Variants in ADRA1B observed in about 807,000 individuals in gnomAD.
ADRA1B encodes adrenoceptor alpha 1B.
Under a neutral mutation model 17.9 loss-of-function variants are expected in ADRA1B, and 17 were observed. The observed-to-expected ratio is 0.95, with a 90% CI of 0.65 to 1.42. The LOEUF is 1.42. Among genes scored for constraint, ADRA1B ranks in the 40% most tolerant of loss-of-function variants. ADRA1B has a pLI of 0.00. For missense variants in ADRA1B, 681 were observed against 722.1 expected, an observed-to-expected ratio of 0.94 and a Z score of 0.65; for synonymous variants, 366 against 327.6, an observed-to-expected ratio of 1.12 and a Z score of -1.27.
At chr5:159,872,172 A>G (rs1287972364) in intron 1 of ADRA1B, among the ~76,000 whole-genome samples, 1 of 152,204 alleles carries the variant, frequency 6.6e-6, no homozygotes, top group Non-Finnish European at 1.5e-5. Context: ...TAAAATAATA[A>G]AATAATTAAG....
intron 1 of ADRA1B, among the ~76,000 whole-genome samples, chr5:159,866,081 A>G (rs528934622): frequency 6.6e-6 from 1 of 152,304 alleles, no homozygotes; most frequent in Admixed American, 6.5e-5. Context: ...AGAGTTCTAA[A>G]GATACGGACA....
At chr5:159,983,602 G>C in the ADRA1B span, among the ~76,000 whole-genome samples, 2 of 152,292 alleles carry the variant, frequency 1.3e-5, no homozygotes, top group African/African-American at 2.4e-5. Context: ...AAGGGTGCCA[G>C]CCGAACCGAA....
chr5:159,903,350 A>G lies in ADRA1B; in HGVS notation c.-255-12769A>G, dbSNP rs575868582. Among the ~76,000 whole-genome samples the G allele has an allele frequency of 4.6e-5, 7 of 152,338 alleles. No homozygotes were observed. The East Asian group carries it at 7.7e-4, about 17-fold the overall frequency. On this transcript the variant is annotated intron_variant, in intron 1 of 2. Transcript: ENST00000641205. ...TCCCTCTTCCTTCCACTCTCTGTCC[A>G]TGTGAAGCCTAAATGACGCAATATA... is the stretch of plus-strand genomic sequence containing the variant.
chr5:159,917,679 G>A lies in ADRA1B; in HGVS notation c.774G>A (p.Lys258=), dbSNP rs1323092197. The stretch of plus-strand genomic sequence containing the variant: ...AGCTGACCCTGAGGATCCATTCCAA[G>A]AACTTTCACGAGGACACCCTTAGCA... ...SKELTLRIHS[K]NFHEDTLSST... Residue 258 remains lysine, a synonymous_variant, in exon 1 of 2, where the codon AAG becomes AAA. Coordinates refer to ENST00000306675, the MANE Select transcript of ADRA1B (RefSeq NM_000679.4). 3 of 1,614,014 alleles carry A rather than the reference G, an allele frequency of 1.9e-6. No individual in the cohort carries two copies. The highest frequency in any genetic ancestry group is 2.2e-5 in the East Asian group (1 of 44,862).
the ADRA1B span, among the ~76,000 whole-genome samples, chr5:159,982,121 CG>C: frequency 6.6e-6 from 1 of 152,180 alleles, no homozygotes; most frequent in African/African-American, 2.4e-5. Flanking sequence ...GCTAAGGTCC[CG>C]GCCAACAGTC....
intron 1 of ADRA1B, chr5:159,868,307 ATAAGTTT>A (rs1753689089): frequency 6.6e-6 from 1 of 152,232 alleles, no homozygotes; most frequent in Non-Finnish European, 1.5e-5. Context: ...GCAGACTTTG[ATAAGTTT>A]TATAGGAGAG....
chr5:159,926,418 C>A (rs1013020942), intron 1 of ADRA1B, among the ~76,000 whole-genome samples: 1 of 152,164 alleles, frequency 6.6e-6, no homozygotes, highest in Admixed American at 6.5e-5. Flanking sequence ...CAAACCTTTG[C>A]AGGGTCCAAG....
chr5:159,952,935 T>G (rs1202554462), intron 1 of ADRA1B, among the ~76,000 whole-genome samples: 1 of 152,202 alleles, frequency 6.6e-6, no homozygotes, highest in African/African-American at 2.4e-5. Context: ...CCTTCTTACA[T>G]TATAGGCTTT....
chr5:159,923,761 T>C (rs1754560067), intron 1 of ADRA1B, among the ~76,000 whole-genome samples: 1 of 152,258 alleles, frequency 6.6e-6, no homozygotes, highest in Admixed American at 6.5e-5. Context: ...GAATAGATCC[T>C]TGGACCCCAT....
chr5:159,902,593 C>T (rs1320862164), intron 1 of ADRA1B, among the ~76,000 whole-genome samples: 2 of 152,196 alleles, frequency 1.3e-5, no homozygotes, highest in Non-Finnish European at 2.9e-5. Flanking sequence ...CTCTTCAAGG[C>T]CCCACCCTGG....
chr5:159,922,576 C>T (rs1754516306), intron 1 of ADRA1B, among the ~76,000 whole-genome samples: 2 of 152,168 alleles, frequency 1.3e-5, no homozygotes, highest in South Asian at 4.2e-4. Flanking sequence ...CAACCTATGA[C>T]ATATCAGGGC....
intron 1 of ADRA1B, among the ~76,000 whole-genome samples, chr5:159,899,310 G>GGAAGGAAGGAAGGAAGGAAA (rs1754075496): frequency 7.0e-6 from 1 of 142,646 alleles, no homozygotes; most frequent in African/African-American, 2.6e-5. Context: ...AAGGAAGGAA[G>GGAAGGAAGGAAGGAAGGAAA]GAAGGAAAGA....
intron 1 of ADRA1B, among the ~76,000 whole-genome samples, chr5:159,899,462 T>A (rs751468517): frequency 1.4e-4 from 22 of 152,298 alleles, no homozygotes; most frequent in Admixed American, 3.9e-4. Flanking sequence ...GACAGCCATG[T>A]GTACTGGAGA....
At chr5:159,891,679 T>A (rs1246411209) in intron 1 of ADRA1B, among the ~76,000 whole-genome samples, 1 of 152,114 alleles carries the variant, frequency 6.6e-6, no homozygotes, top group Non-Finnish European at 1.5e-5. Context: ...TGTTGAGAAT[T>A]TTCATAACAC....
intron 1 of ADRA1B, among the ~76,000 whole-genome samples, chr5:159,880,082 G>A (rs1561581130): frequency 1.3e-5 from 2 of 152,190 alleles, no homozygotes; most frequent in Non-Finnish European, 1.5e-5. Flanking sequence ...TTTCAGTGTG[G>A]CGATTGTTAG....
rs531188356 is a variant in ADRA1B at position 159,906,880 on chromosome 5, G to A, written c.-255-9239G>A. The stretch of plus-strand genomic sequence containing the variant: ...TTTTTCTTTTCCACTTAGTCCCTGG[G>A]ATTTAATTGAAAATACAAATTCCCT... On this transcript the variant is annotated intron_variant, in intron 1 of 2. Coordinates refer to the ADRA1B transcript ENST00000641205. Among the ~76,000 whole-genome samples the A allele has an allele frequency of 3.7e-4, 57 of 152,250 alleles. 1 individual carries two copies. In the South Asian group the frequency reaches 0.011, roughly 30 times the overall value.
intron 1 of ADRA1B, among the ~76,000 whole-genome samples, chr5:159,880,126 T>C (rs1464956123): frequency 6.6e-6 from 1 of 152,258 alleles, no homozygotes; most frequent in African/African-American, 2.4e-5. Flanking sequence ...TCTCCATTTA[T>C]GAAGGCCCTT....
intron 1 of ADRA1B, among the ~76,000 whole-genome samples, chr5:159,970,167 T>C (rs923785861): frequency 9.9e-5 from 15 of 152,256 alleles, no homozygotes; most frequent in Non-Finnish European, 8.8e-5. Context: ...ATCATGAGTC[T>C]ATGCCAGGCC....
At chr5:159,932,931 A>G (rs1469547877) in intron 1 of ADRA1B, among the ~76,000 whole-genome samples, 1 of 152,220 alleles carries the variant, frequency 6.6e-6, no homozygotes, top group Non-Finnish European at 1.5e-5. Context: ...TTTTGTTACT[A>G]CAAAACAATA....
Sources: gnomAD v4.1 joint callset for allele counts (sites outside exome capture counted in the v4.1 genomes callset) on GRCh38, gnomAD v4.1.1 for gene constraint, MANE v1.5 for transcripts, NCBI Gene and HGNC (gene_info 2026-07-23, HGNC 2026-07-21) for gene names.